The following PPM1B variants were observed in gnomAD, a reference collection of about 807,000 sequenced individuals.
The protein encoded by PPM1B is protein phosphatase 1B.
Under a neutral mutation model 43.0 loss-of-function variants are expected in PPM1B, and 22 were observed. The ratio of observed to expected loss-of-function variants is 0.51; its 90% confidence interval spans 0.37 to 0.73. The LOEUF is 0.73. Among genes scored for constraint, PPM1B ranks in the 30% least tolerant of loss-of-function variants. PPM1B has a pLI of 0.00. For missense variants in PPM1B, 632 were observed against 584.2 expected (o/e 1.08, Z -0.84); for synonymous variants, 217 against 197.9 (o/e 1.10, Z -0.81).
intron 1 of PPM1B, among the ~76,000 whole-genome samples, chr2:44,189,526 C>G (rs919014515): frequency 6.6e-6 from 1 of 151,372 alleles, no homozygotes; most frequent in African/African-American, 2.5e-5. Context: ...TGCAATGGCG[C>G]GATCTCAGCT....
chr2:44,242,879 C>T (rs1174220718), intron 5 of PPM1B, among the ~76,000 whole-genome samples: 2 of 152,130 alleles, frequency 1.3e-5, no homozygotes, highest in Non-Finnish European at 2.9e-5. Context: ...TTACCTATGT[C>T]ATGGATTATT....
At chr2:44,238,255 C>T (rs1033272851), downstream of PPM1B, among the ~76,000 whole-genome samples, 105 of 151,854 alleles carry the variant, frequency 6.9e-4, no homozygotes, top group Non-Finnish European at 2.9e-4. Flanking sequence ...ATATAGAGTA[C>T]CATGGGGTTT....
intron 1 of PPM1B, among the ~76,000 whole-genome samples, chr2:44,174,741 A>G (rs1667501779): frequency 6.6e-6 from 1 of 152,198 alleles, no homozygotes; most frequent in Admixed American, 6.5e-5. Flanking sequence ...ATCTAATCGC[A>G]TTTTATTTTC....
chr2:44,232,276 A>G (rs763115475), downstream of PPM1B: 9 of 1,591,296 alleles, frequency 5.7e-6, no homozygotes, highest in South Asian at 6.9e-5. Context: ...TGGAAGTGGC[A>G]TAGGTAAATA....
intron 2 of PPM1B, among the ~76,000 whole-genome samples, chr2:44,204,640 C>G (rs982283728): frequency 6.6e-6 from 1 of 151,854 alleles, no homozygotes; most frequent in Non-Finnish European, 1.5e-5. Context: ...GTTAAGATGA[C>G]GAGGTCAGGA....
At chr2:44,212,570 C>G (rs534354847) in intron 3 of PPM1B, among the ~76,000 whole-genome samples, 1 of 152,278 alleles carries the variant, frequency 6.6e-6, no homozygotes, top group South Asian at 2.1e-4. Flanking sequence ...GTCTGTTTAT[C>G]TTTAACATAA....
rs138389280 is a variant in PPM1B at position 44,191,139 on chromosome 2, C to T, written c.-14-10047C>T. On this transcript the variant is annotated intron_variant, in intron 1 of 5. Coordinates refer to ENST00000282412, the MANE Select transcript of PPM1B (RefSeq NM_002706.6). ...TAGTAGTTTTAGTGTTTATACAACT[C>T]AAGCATGTTTTTAAATACTTTTGCC... Among the ~76,000 whole-genome samples the T allele has an allele frequency of 2.7e-3, 411 of 152,304 alleles. 1 individual carries two copies. The highest frequency in any genetic ancestry group is 9.6e-3 in the African/African-American group (398 of 41,572).
downstream of PPM1B, among the ~76,000 whole-genome samples, chr2:44,235,642 TG>T (rs1670588364): frequency 7.0e-6 from 1 of 142,914 alleles, no homozygotes; most frequent in Non-Finnish European, 1.5e-5. Flanking sequence ...TAGCTGAATG[TG>T]GTAGCTTATG....
At chr2:44,232,290 A>G, downstream of PPM1B, 3 of 1,601,794 alleles carry the variant, frequency 1.9e-6, no homozygotes, top group Non-Finnish European at 2.6e-6. Context: ...GTAAATAATA[A>G]TATTCTTCCT....
chr2:44,186,234 A>G (rs1169733153), intron 1 of PPM1B, among the ~76,000 whole-genome samples: 10 of 152,218 alleles, frequency 6.6e-5, no homozygotes, highest in Non-Finnish European at 1.3e-4. Flanking sequence ...TAATCTACAC[A>G]TTGTCTAGGA....
intron 1 of PPM1B, among the ~76,000 whole-genome samples, chr2:44,176,882 G>C (rs1667607262): frequency 6.6e-6 from 1 of 152,080 alleles, no homozygotes. Flanking sequence ...CCCAGTTCAA[G>C]CGATTCTCCT....
At chr2:44,220,295 T>G (rs531418537) in intron 5 of PPM1B, among the ~76,000 whole-genome samples, 1 of 151,334 alleles carries the variant, frequency 6.6e-6, no homozygotes, top group East Asian at 1.9e-4. Flanking sequence ...TTGCTGGATT[T>G]TGGGGTCCTT....
At chr2:44,243,063 C>CA (rs897719903) in intron 5 of PPM1B, among the ~76,000 whole-genome samples, 4 of 152,182 alleles carry the variant, frequency 2.6e-5, no homozygotes, top group South Asian at 2.1e-4. Context: ...ATTTCCCCCC[C>CA]AAAAAAATCA....
intron 1 of PPM1B, among the ~76,000 whole-genome samples, chr2:44,179,494 C>CT (rs560440975): frequency 1.8e-4 from 27 of 151,838 alleles, no homozygotes; most frequent in Non-Finnish European, 3.2e-4. Flanking sequence ...CTCTCTCTCT[C>CT]TTTTTTTTAA....
At chr2:44,186,435 C>T (rs1195403048) in intron 1 of PPM1B, among the ~76,000 whole-genome samples, 3 of 152,210 alleles carry the variant, frequency 2.0e-5, no homozygotes, top group Admixed American at 6.5e-5. Flanking sequence ...GTCATATCAT[C>T]TCAGCTCACT....
At chr2:44,221,212 G>A (rs1364217001) in intron 5 of PPM1B, among the ~76,000 whole-genome samples, 1 of 152,150 alleles carries the variant, frequency 6.6e-6, no homozygotes, top group Non-Finnish European at 1.5e-5. Context: ...TAGATATGTG[G>A]ATTAAAGGAA....
At chr2:44,181,967 T>A (rs1667896085) in intron 1 of PPM1B, among the ~76,000 whole-genome samples, 1 of 152,110 alleles carries the variant, frequency 6.6e-6, no homozygotes. Flanking sequence ...AGAATAAAGT[T>A]TTTTTGATTT....
chr2:44,174,162 A>T (rs916857257), intron 1 of PPM1B, among the ~76,000 whole-genome samples: 17 of 152,234 alleles, frequency 1.1e-4, no homozygotes, highest in Non-Finnish European at 2.1e-4. Context: ...CTCTTGGAGA[A>T]TGTTTAAGTA....
intron 1 of PPM1B, among the ~76,000 whole-genome samples, chr2:44,183,071 T>A (rs1667957393): frequency 6.6e-6 from 1 of 152,242 alleles, no homozygotes; most frequent in African/African-American, 2.4e-5. Flanking sequence ...ATTGGTGATG[T>A]TGGAGTTTCT....
Sources: gnomAD v4.1 joint callset for allele counts (sites outside exome capture counted in the v4.1 genomes callset) on GRCh38, gnomAD v4.1.1 for gene constraint, MANE v1.5 for transcripts, NCBI Gene and HGNC (gene_info 2026-07-23, HGNC 2026-07-21) for gene names.